Variants in GMDS observed in about 807,000 individuals in gnomAD.
GMDS encodes the protein GDP-mannose 4,6 dehydratase.
A neutral mutation model predicts 49.9 loss-of-function variants in GMDS; 20 were observed. The observed-to-expected ratio is 0.40, with a 90% CI of 0.28 to 0.58. GMDS has a LOEUF of 0.58. Among genes scored for constraint, GMDS ranks in the 20% least tolerant of loss-of-function variants. GMDS has a pLI of 0.42. For synonymous variants in GMDS, 177 were observed against 178.6 expected (o/e 0.99, Z 0.07); for missense variants, 362 against 481.4 (o/e 0.75, Z 2.32).
chr6:1,736,398 T>C (rs1428742997), intron 8 of GMDS, among the ~76,000 whole-genome samples: 1 of 152,170 alleles, frequency 6.6e-6, no homozygotes, highest in Non-Finnish European at 1.5e-5. Flanking sequence ...TTGAAGCTTA[T>C]ATGAAAAGTC....
intron 7 of GMDS, among the ~76,000 whole-genome samples, chr6:1,772,883 T>C (rs1284096406): frequency 3.3e-5 from 5 of 152,226 alleles, no homozygotes; most frequent in Non-Finnish European, 7.3e-5. Flanking sequence ...TGTTTAATAT[T>C]CCTCATGCTT....
chr6:2,019,922 C>G (rs567668344), intron 4 of GMDS, among the ~76,000 whole-genome samples: 10 of 152,286 alleles, frequency 6.6e-5, no homozygotes, highest in African/African-American at 2.2e-4. Context: ...ACCTTGCATT[C>G]CTGAGATAAA....
intron 7 of GMDS, among the ~76,000 whole-genome samples, chr6:1,864,669 T>C (rs1410155624): frequency 6.6e-6 from 1 of 152,178 alleles, no homozygotes; most frequent in African/African-American, 2.4e-5. Flanking sequence ...AACCTTGACC[T>C]TTTTAACACC....
At chr6:1,711,966 C>T (rs867609552) in intron 9 of GMDS, among the ~76,000 whole-genome samples, 2 of 152,184 alleles carry the variant, frequency 1.3e-5, no homozygotes, top group Admixed American at 1.3e-4. Flanking sequence ...TCCGGCCCCT[C>T]GCCTGAGCCT....
chr6:2,135,677 A>G (rs1451481094), intron 1 of GMDS, among the ~76,000 whole-genome samples: 2 of 152,194 alleles, frequency 1.3e-5, no homozygotes, highest in Non-Finnish European at 2.9e-5. Context: ...TACTTCTCAC[A>G]TTTTAGGCCA....
chr6:2,030,403 C>T (rs1035703569), intron 4 of GMDS, among the ~76,000 whole-genome samples: 1 of 152,112 alleles, frequency 6.6e-6, no homozygotes, highest in Non-Finnish European at 1.5e-5. Context: ...CCAGCATCTG[C>T]GAATTTGTAG....
intron 7 of GMDS, among the ~76,000 whole-genome samples, chr6:1,862,750 T>C (rs951359899): frequency 4.6e-5 from 7 of 152,164 alleles, no homozygotes; most frequent in Non-Finnish European, 1.0e-4. Flanking sequence ...TACTTCTTAT[T>C]ATGTTGTGCC....
chr6:2,149,977 T>C (rs1400375721), intron 1 of GMDS, among the ~76,000 whole-genome samples: 1 of 152,178 alleles, frequency 6.6e-6, no homozygotes, highest in Non-Finnish European at 1.5e-5. Flanking sequence ...AAAGACCCTC[T>C]ATTTTGGTTT....
chr6:2,208,534 T>C (rs1223142791), intron 1 of GMDS, among the ~76,000 whole-genome samples: 3 of 152,146 alleles, frequency 2.0e-5, no homozygotes, highest in Non-Finnish European at 4.4e-5. Flanking sequence ...TACAGACAAT[T>C]TTCCCACAGC....
intron 9 of GMDS, among the ~76,000 whole-genome samples, chr6:1,726,138 TGAG>T (rs1766577021): frequency 6.6e-6 from 1 of 152,216 alleles, no homozygotes; most frequent in South Asian, 2.1e-4. Context: ...GAGACCAACA[TGAG>T]GAGATCTGCG....
chr6:1,833,025 GT>G lies in GMDS; in HGVS notation c.772-90440del, dbSNP rs1484081021. 6.6e-6 allele frequency among the ~76,000 whole-genome samples: 1 copy of G among 151,596 alleles called. No individual in the cohort carries two copies. The highest frequency in any genetic ancestry group is 1.5e-5 in the Non-Finnish European group (1 of 67,956). On this transcript the variant is annotated intron_variant, in intron 7 of 10. Transcript: ENST00000380815. The surrounding 1 kb of genome is among the most constrained non-coding windows in gnomAD (Gnocchi z 4.4). ...GTAGCACTGAGTGCAACCACTGTCA[GT>G]TTTGTGGGGTTGGCCTCTGATCACT...
At chr6:1,988,202 G>C (rs1311596924) in intron 4 of GMDS, among the ~76,000 whole-genome samples, 1 of 152,150 alleles carries the variant, frequency 6.6e-6, no homozygotes, top group Non-Finnish European at 1.5e-5. Flanking sequence ...CAAGGTGGTT[G>C]TGATTTAGAA....
Position 2,191,233 on chromosome 6 carries a change from G to A in GMDS, c.102+54088C>T, listed in dbSNP as rs763203133. On this transcript the variant is annotated intron_variant, in intron 1 of 10. Transcript: ENST00000380815. The surrounding 1 kb of genome is among the most constrained non-coding windows in gnomAD (Gnocchi z 4.6). ...GCCTGACACTCCCGACCCGCTATCC[G>A]CTCCTGGAGGCACCCCCTGGGGAAG... is the stretch of plus-strand genomic sequence containing the variant. Among the ~76,000 whole-genome samples, 55 of 152,124 alleles carry A rather than the reference G, an allele frequency of 3.6e-4. No homozygotes were observed. The highest frequency in any genetic ancestry group is 7.4e-4 in the Non-Finnish European group (50 of 67,976).
chr6:1,972,363 T>C (rs1298844577), intron 4 of GMDS, among the ~76,000 whole-genome samples: 2 of 151,710 alleles, frequency 1.3e-5, no homozygotes, highest in Admixed American at 6.6e-5. Context: ...CATTTTACAG[T>C]TTATCAGCTG....
At chr6:1,633,153 C>T (rs1763045943) in intron 9 of GMDS, among the ~76,000 whole-genome samples, 1 of 152,168 alleles carries the variant, frequency 6.6e-6, no homozygotes, top group African/African-American at 2.4e-5. Context: ...CGATTCTTTT[C>T]ATTTCTTGCA....
chr6:2,134,920 T>C (rs1235939384), intron 1 of GMDS, among the ~76,000 whole-genome samples: 1 of 152,222 alleles, frequency 6.6e-6, no homozygotes, highest in Non-Finnish European at 1.5e-5. Flanking sequence ...TGCTAAGTAC[T>C]CTTTAGATGT....
intron 8 of GMDS, among the ~76,000 whole-genome samples, chr6:1,731,464 T>A (rs527808242): frequency 6.6e-6 from 1 of 152,290 alleles, no homozygotes; most frequent in Non-Finnish European, 1.5e-5. Context: ...TGAAACACTT[T>A]CTAGAGGGGA....
At chr6:1,859,576 G>T (rs143029420) in intron 7 of GMDS, among the ~76,000 whole-genome samples, 2 of 152,100 alleles carry the variant, frequency 1.3e-5, no homozygotes, top group Admixed American at 1.3e-4. Flanking sequence ...TTGAGCCAAC[G>T]AGAAAGAATC....
At chr6:2,034,571 A>G (rs1401865526) in intron 4 of GMDS, among the ~76,000 whole-genome samples, 1 of 152,234 alleles carries the variant, frequency 6.6e-6, no homozygotes, top group East Asian at 1.9e-4. Flanking sequence ...TTTAATGTCA[A>G]CAACGCTGTT....
Sources: gnomAD v4.1 joint callset for allele counts (sites outside exome capture counted in the v4.1 genomes callset) on GRCh38, gnomAD v4.1.1 for gene constraint, Gnocchi (gnomAD v3.1) non-coding constraint, MANE v1.5 for transcripts, NCBI Gene and HGNC (gene_info 2026-07-23, HGNC 2026-07-21) for gene names.